Variants in SLC14A2 observed in about 807,000 individuals in gnomAD.
SLC14A2 encodes the protein solute carrier family 14 member 2.
In SLC14A2, 91 loss-of-function variants were observed where a neutral mutation model predicts 104.6. The ratio of observed to expected loss-of-function variants is 0.87; its 90% CI spans 0.73 to 1.04. SLC14A2 has a LOEUF of 1.04. Ranked by LOEUF, SLC14A2 falls within the 50% of genes least tolerant of loss-of-function variation. The probability of loss-of-function intolerance (pLI) is 0.00; values close to 1 mark genes in which losing one functional copy is unlikely to be tolerated. For synonymous variants in SLC14A2, 476 were observed against 466.4 expected (o/e 1.02, Z -0.27); for missense variants, 1,189 against 1,156.0 (o/e 1.03, Z -0.41).
chr18:45,423,532 G>A (rs76560888), intron 1 of SLC14A2, among the ~76,000 whole-genome samples: 3 of 152,158 alleles, frequency 2.0e-5, no homozygotes, highest in African/African-American at 4.8e-5. Flanking sequence ...GGGTTCCTTA[G>A]TGAGCATCTG....
chr18:45,619,233 G>A (rs2045124676), intron 1 of SLC14A2, among the ~76,000 whole-genome samples: 2 of 152,230 alleles, frequency 1.3e-5, no homozygotes, highest in African/African-American at 4.8e-5. Context: ...TGGAAGCTGA[G>A]CCCAGTCTCC....
chr18:45,319,824 G>T (rs901111669), intron 1 of SLC14A2, among the ~76,000 whole-genome samples: 6 of 152,218 alleles, frequency 3.9e-5, no homozygotes, highest in Non-Finnish European at 8.8e-5. Context: ...CTTCAGTAGG[G>T]TATATTATTG....
rs527978149 is a variant in SLC14A2 at position 45,235,862 on chromosome 18, T to C, written c.-125+22671T>C. Among the ~76,000 whole-genome samples the C allele has an allele frequency of 4.7e-4, 47 of 99,150 alleles. 5 individuals are homozygous for C. Among genetic ancestry groups the C allele is most frequent in the Non-Finnish European group, 8.2e-4 (42 of 51,370 alleles). The allele number at this position is 99,150 out of a possible 152,430, so 65.0% of individuals were successfully genotyped here. On this transcript the variant is annotated intron_variant, in intron 1 of 20. Coordinates refer to the SLC14A2 transcript ENST00000586448. ...ATATATATATGTATATATACATATA[T>C]GTGTGTATATATGTATATATACATA...
At chr18:45,646,400 A>G (rs1384836151) in intron 10 of SLC14A2, 2 of 152,144 alleles carry the variant, frequency 1.3e-5, no homozygotes, top group Non-Finnish European at 2.9e-5. Flanking sequence ...AACAGATTCA[A>G]TTACCCAAAA....
chr18:45,241,544 A>G (rs990238012), intron 1 of SLC14A2, among the ~76,000 whole-genome samples: 1 of 152,042 alleles, frequency 6.6e-6, no homozygotes, highest in African/African-American at 2.4e-5. Flanking sequence ...GCCTGAAAAC[A>G]GGCAACAGCC....
rs142205866 is a variant in SLC14A2 at position 45,668,428 on chromosome 18, G to A, written c.1987G>A (p.Asp663Asn). 287 of 1,614,176 alleles carry A rather than the reference G, an allele frequency of 1.8e-4. No individual in the cohort carries two copies. The highest frequency in any genetic ancestry group is 2.3e-4 in the Non-Finnish European group (277 of 1,180,024). ...GATGGCCGTGTTCTCAGACAAAGGTGACTACTACTGGTGGCTGTTGCTACC... is the reference window on the plus strand; with the variant it reads ...GATGGCCGTGTTCTCAGACAAAGGTAACTACTACTGGTGGCTGTTGCTACC... ...LLMAVFSDKG[D>N]YYWWLLLPVI... The change falls in exon 15 of 20, where the codon GAC (aspartate) becomes AAC (asparagine). Residue 663 changes from aspartate (D) to asparagine (N), a missense_variant. Transcript: ENST00000255226.
Position 45,666,123 on chromosome 18 carries a change from C to G in SLC14A2, c.1475-14C>G. The G allele has an allele frequency of 6.2e-7, 1 of 1,603,428 alleles. No individual in the cohort carries two copies. The highest frequency in any genetic ancestry group is 8.5e-7 in the Non-Finnish European group (1 of 1,170,268). ...GGTGTCCTAACTGATGGTGCTCTTT[C>G]CTTCTAACTCCAGTGTTTGGAAAAG... On this transcript the variant is annotated splice_polypyrimidine_tract_variant and intron_variant, in intron 11 of 19. Coordinates refer to ENST00000255226, the MANE Select transcript of SLC14A2 (RefSeq NM_007163.4).
intron 1 of SLC14A2, among the ~76,000 whole-genome samples, chr18:45,358,805 A>G (rs999629515): frequency 1.2e-4 from 19 of 152,050 alleles, no homozygotes; most frequent in African/African-American, 3.9e-4. Flanking sequence ...CGAATTCCTG[A>G]CCTCAAACAG....
intron 1 of SLC14A2, among the ~76,000 whole-genome samples, chr18:45,365,277 T>G (rs1169487858): frequency 2.0e-5 from 3 of 152,256 alleles, no homozygotes; most frequent in Admixed American, 2.0e-4. Flanking sequence ...AGATCATTCC[T>G]CCATAGTAAT....
chr18:45,242,588 C>A lies in SLC14A2; in HGVS notation c.-125+29397C>A, dbSNP rs147601738. On this transcript the variant is annotated intron_variant, in intron 1 of 20. Coordinates refer to the SLC14A2 transcript ENST00000586448. ...TGCCAGCATATGGTGAGATGGGGCC[C>A]TGTGTCTTTCTTATTAATGTGAATT... is the stretch of plus-strand genomic sequence containing the variant. 2.9e-3 allele frequency among the ~76,000 whole-genome samples: 449 copies of A among 152,260 alleles called. 5 individuals carry two copies. Among genetic ancestry groups the A allele is most frequent in the Non-Finnish European group, 6.3e-4 (43 of 68,022 alleles).
chr18:45,305,442 A>G (rs2085009719), intron 1 of SLC14A2, among the ~76,000 whole-genome samples: 1 of 152,222 alleles, frequency 6.6e-6, no homozygotes, highest in Non-Finnish European at 1.5e-5. Flanking sequence ...GATCCTGGAC[A>G]GAATCCTCTG....
the SLC14A2 span, among the ~76,000 whole-genome samples, chr18:45,185,689 AT>A: frequency 1.6e-3 from 250 of 152,270 alleles, 2 homozygotes; most frequent in African/African-American, 5.8e-3. Flanking sequence ...AAAGAAAAAA[AT>A]AAAACTATCT....
intron 1 of SLC14A2, among the ~76,000 whole-genome samples, chr18:45,309,819 C>T (rs995879968): frequency 1.3e-5 from 2 of 152,102 alleles, no homozygotes; most frequent in Non-Finnish European, 1.5e-5. Flanking sequence ...CTTGCATATC[C>T]TTGTATAATA....
intron 10 of SLC14A2, among the ~76,000 whole-genome samples, chr18:45,662,674 T>C (rs140527777): frequency 1.3e-3 from 196 of 152,300 alleles, no homozygotes; most frequent in African/African-American, 4.5e-3. Flanking sequence ...TTAGTGATAA[T>C]ATATAGTGCC....
At chr18:45,679,691 G>A (rs550888879) in intron 19 of SLC14A2, among the ~76,000 whole-genome samples, 1 of 152,212 alleles carries the variant, frequency 6.6e-6, no homozygotes, top group Non-Finnish European at 1.5e-5. Flanking sequence ...TAAGGAGGGA[G>A]TGGGCATTCT....
chr18:45,417,644 G>A (rs1434755337), intron 1 of SLC14A2, among the ~76,000 whole-genome samples: 2 of 152,134 alleles, frequency 1.3e-5, no homozygotes, highest in Non-Finnish European at 1.5e-5. Flanking sequence ...TGCATGACAT[G>A]TGAAGATTAT....
intron 1 of SLC14A2, among the ~76,000 whole-genome samples, chr18:45,433,195 T>TAACTAAGCCTCAGTTTTCCC (rs1376353577): frequency 7.4e-4 from 112 of 152,314 alleles, no homozygotes; most frequent in African/African-American, 2.5e-3. Flanking sequence ...ATCCTTTCCC[T>TAACTAAGCCTCAGTTTTCCC]AACTAAGCCT....
At chr18:45,673,896 G>T in intron 18 of SLC14A2, 79 bp downstream of exon 18, 1 of 1,410,474 alleles carries the variant, frequency 7.1e-7, no homozygotes, top group Non-Finnish European at 9.8e-7. Context: ...TTTTTTAATG[G>T]TTATTTAGTA....
rs139128250 is a variant in SLC14A2 at position 45,383,489 on chromosome 18, C to T, written c.-124-99744C>T. On this transcript the variant is annotated intron_variant, in intron 1 of 20. Coordinates refer to the SLC14A2 transcript ENST00000586448. Reference sequence around the variant, plus strand: ...GAATCCCAGAGGCTGTTTAGATGGTCTTAGAGATTACCCAGAGCAACCACT... The same window carrying T: ...GAATCCCAGAGGCTGTTTAGATGGTTTTAGAGATTACCCAGAGCAACCACT... Among the ~76,000 whole-genome samples the T allele has an allele frequency of 6.8e-4, 103 of 152,286 alleles. 1 individual carries two copies. The highest frequency in any genetic ancestry group is 1.4e-3 in the Non-Finnish European group (92 of 68,018).
Sources: allele counts gnomAD v4.1 joint callset (sites outside exome capture counted in the v4.1 genomes callset), GRCh38; gene constraint gnomAD v4.1.1; transcripts MANE v1.5; gene names NCBI Gene and HGNC (gene_info 2026-07-23, HGNC 2026-07-21).